SEC31A: variants seen among roughly 807,000 people sequenced by gnomAD.
The protein encoded by SEC31A is SEC31 homolog A, COPII component, also known as protein transport protein Sec31A.
SEC31A carries 70 observed loss-of-function variants against 151.0 expected under a neutral mutation model. The observed-to-expected ratio is 0.46, with a 90% CI of 0.38 to 0.57. SEC31A has a LOEUF of 0.57. Ranked by LOEUF, SEC31A falls within the 20% of genes least tolerant of loss-of-function variation. The probability of loss-of-function intolerance (pLI) is 0.00; values close to 1 mark genes in which losing one functional copy is unlikely to be tolerated. For synonymous variants in SEC31A, 475 were observed against 505.9 expected, an observed-to-expected ratio of 0.94 and a Z score of 0.82; for missense variants, 1,330 against 1,471.2, an observed-to-expected ratio of 0.90 and a Z score of 1.57.
intron 22 of SEC31A, among the ~76,000 whole-genome samples, chr4:82,834,111 G>A (rs1726665864): frequency 6.6e-6 from 1 of 152,160 alleles, no homozygotes. Context: ...CTCTCCATGT[G>A]AGATATGACT....
chr4:82,875,957 T>C (rs995323429), intron 4 of SEC31A, 135 bp from the exon 5 acceptor site: 1 of 458,062 alleles, frequency 2.2e-6, no homozygotes, highest in Non-Finnish European at 3.9e-6. Context: ...GAAAAACATA[T>C]GCATGAATTT....
intron 22 of SEC31A, among the ~76,000 whole-genome samples, chr4:82,837,449 C>T (rs995922320): frequency 1.3e-5 from 2 of 151,712 alleles, no homozygotes; most frequent in African/African-American, 4.8e-5. Context: ...CGCCTAGGTG[C>T]GATCACAGCT....
intron 26 of SEC31A, among the ~76,000 whole-genome samples, 163 bp downstream of exon 26, chr4:82,820,874 C>T (rs1723168044): frequency 6.6e-6 from 1 of 152,076 alleles, no homozygotes; most frequent in Non-Finnish European, 1.5e-5. Context: ...ATCCCCTTAA[C>T]CCCAGTGAGT....
In SEC31A at chr4:82,857,994, C is replaced by G. The variant is rs988646122; in HGVS notation, c.1627-230G>C. On this transcript the variant is annotated intron_variant, in intron 14 of 26. Coordinates refer to ENST00000395310, the MANE Select transcript of SEC31A (RefSeq NM_001077207.4). ...AAGGTCATGAAGAATACTGGTTAAA[C>G]AGGCTGGGCACAGTGGCTCACGTCT... 4 of 367,352 alleles carry G rather than the reference C, an allele frequency of 1.1e-5. No individual in the cohort carries two copies. The East Asian group carries it at 2.5e-4, about 23-fold the overall frequency. The allele number at this position is 367,352 out of a possible 1,614,324, so 22.8% of individuals were successfully genotyped here. A position where few individuals can be genotyped will look rare whatever the true frequency, so the allele number is the denominator to read the frequency against.
chr4:82,890,247 T>C (rs1742018457), intron 1 of SEC31A, among the ~76,000 whole-genome samples: 1 of 145,516 alleles, frequency 6.9e-6, no homozygotes, highest in Admixed American at 6.8e-5. Flanking sequence ...TTTTGCCAAC[T>C]CTTGAATAAA....
At chr4:82,891,242 C>G (rs950789094), upstream of SEC31A, 15 of 1,421,500 alleles carry the variant, frequency 1.1e-5, no homozygotes, top group Non-Finnish European at 1.3e-5. Flanking sequence ...GCGCCCAACA[C>G]TTCCGGGAGC....
intron 16 of SEC31A, among the ~76,000 whole-genome samples, chr4:82,856,498 C>T (rs910858829): frequency 6.6e-6 from 1 of 151,748 alleles, no homozygotes; most frequent in South Asian, 2.1e-4. Flanking sequence ...TGCCTGTAAT[C>T]CTGGCACTTT....
intron 14 of SEC31A, among the ~76,000 whole-genome samples, chr4:82,859,709 T>C (rs1248535009): frequency 1.3e-5 from 2 of 152,082 alleles, no homozygotes; most frequent in Non-Finnish European, 2.9e-5. Flanking sequence ...CTAAAAGAAA[T>C]TAAGAATTTA....
intron 5 of SEC31A, 130 bp from the exon 6 acceptor site, chr4:82,874,881 C>T: frequency 1.0e-6 from 1 of 1,002,796 alleles, no homozygotes; most frequent in Non-Finnish European, 1.4e-6. Context: ...CACAAATTTG[C>T]TTTATAGTCC....
rs181103719 is a variant in SEC31A, at chr4:82,853,764, A to G, written c.2009-49T>C. On this transcript the variant is annotated intron_variant, in intron 17 of 26. Transcript: ENST00000395310. ...TAAGATTATACCCAAGGCAATCTGT[A>G]TATGAGGCTGTGAGCAGCTAAATAA... is the stretch of plus-strand genomic sequence containing the variant. The G allele has an allele frequency of 2.7e-4, 397 of 1,460,674 alleles. 1 individual carries two copies. In the African/African-American group the frequency reaches 5.2e-3, roughly 19 times the overall value. 90.5% of individuals were successfully genotyped at this position (1,460,674 alleles called of 1,614,324 possible).
chr4:82,874,999 A>T (rs568393759), intron 5 of SEC31A, among the ~76,000 whole-genome samples: 5 of 152,360 alleles, frequency 3.3e-5, no homozygotes, highest in African/African-American at 1.2e-4. Flanking sequence ...CAAGAATTTT[A>T]TTGAATTTCT....
At chr4:82,845,214 G>A (rs1243691762) in intron 20 of SEC31A, 14 of 1,531,652 alleles carry the variant, frequency 9.1e-6, no homozygotes, top group Non-Finnish European at 1.2e-5. Context: ...TGTGTCAGAG[G>A]GAGAGGCTGC....
intron 19 of SEC31A, among the ~76,000 whole-genome samples, chr4:82,850,375 A>G (rs1379307728): frequency 6.6e-6 from 1 of 152,174 alleles, no homozygotes; most frequent in East Asian, 1.9e-4. Context: ...TCCCATCAAC[A>G]ATTCAGAAAC....
intron 10 of SEC31A, among the ~76,000 whole-genome samples, chr4:82,865,991 T>G (rs1249281679): frequency 6.6e-6 from 1 of 151,594 alleles, no homozygotes; most frequent in Non-Finnish European, 1.5e-5. Flanking sequence ...TATTATGCAT[T>G]TTTTACCATT....
At chr4:82,870,264 A>C in intron 8 of SEC31A, 61 bp downstream of exon 8, 1 of 1,292,480 alleles carries the variant, frequency 7.7e-7, no homozygotes, top group Non-Finnish European at 1.1e-6. Context: ...AAAATTTCTT[A>C]TGTAGCCAGA....
chr4:82,854,795 T>A, intron 17 of SEC31A, 108 bp downstream of exon 17: 1 of 1,163,412 alleles, frequency 8.6e-7, no homozygotes, highest in Non-Finnish European at 1.1e-6. Context: ...TTCTTTTTTG[T>A]GATTTGTAGA....
chr4:82,820,707 A>G (rs911717598), intron 26 of SEC31A, among the ~76,000 whole-genome samples: 5 of 152,056 alleles, frequency 3.3e-5, no homozygotes, highest in African/African-American at 1.2e-4. Context: ...GTATCTGCAT[A>G]CTCTTTGATT....
intron 15 of SEC31A, 42 bp downstream of exon 15, chr4:82,857,647 A>G: frequency 7.9e-7 from 1 of 1,271,762 alleles, no homozygotes; most frequent in Non-Finnish European, 1.1e-6. Flanking sequence ...TTGTTTTCCA[A>G]TGGTTAAAAA....
intron 22 of SEC31A, among the ~76,000 whole-genome samples, chr4:82,835,717 C>G (rs1431997576): frequency 6.6e-6 from 1 of 152,100 alleles, no homozygotes; most frequent in Non-Finnish European, 1.5e-5. Context: ...ATTGCTTGAA[C>G]CTAGGAGACA....
Sources: gnomAD v4.1 joint callset for allele counts (sites outside exome capture counted in the v4.1 genomes callset) on GRCh38, gnomAD v4.1.1 for gene constraint, MANE v1.5 for transcripts, NCBI Gene and HGNC (gene_info 2026-07-23, HGNC 2026-07-21) for gene names.